The following SHLD1 variants were observed in gnomAD, a reference collection of about 807,000 sequenced individuals.
SHLD1 encodes the protein shieldin complex subunit 1.
SHLD1 carries 3 observed loss-of-function variants against 5.5 expected under a neutral mutation model. That is an observed-to-expected ratio of 0.54 (90% confidence interval 0.25 to 1.40). SHLD1 has a LOEUF of 1.40. Among genes scored for constraint, SHLD1 ranks in the 40% most tolerant of loss-of-function variants. The pLI, the probability that SHLD1 is intolerant of heterozygous loss-of-function variation, is 0.15. For synonymous variants in SHLD1, 92 were observed against 94.3 expected (o/e 0.98, Z 0.14); for missense variants, 210 against 244.4 (o/e 0.86, Z 0.94).
In SHLD1 at chr20:5,809,341, G is replaced by C. The variant is rs1205394116; in HGVS notation, c.178+36298G>C. Among the ~76,000 whole-genome samples, 2 of 152,008 alleles carry C rather than the reference G, an allele frequency of 1.3e-5. 1 individual carries two copies. Among genetic ancestry groups the C allele is most frequent in the African/African-American group, 4.8e-5 (2 of 41,296 alleles). On this transcript the variant is annotated intron_variant, in intron 2 of 2. Transcript: ENST00000303142. ...ATGGCTCTCCTTAAATAGACTCTTA[G>C]AATTAGATGTATTTGCTCTGAGCTC...
chr20:5,803,555 T>C (rs2087328693), intron 2 of SHLD1, among the ~76,000 whole-genome samples: 1 of 152,028 alleles, frequency 6.6e-6, no homozygotes, highest in Non-Finnish European at 1.5e-5. Flanking sequence ...TCCAGAATTC[T>C]AGGCATTAGA....
Position 5,773,051 on chromosome 20 carries a change from G to T in SHLD1, c.178+8G>T. 2 of 1,614,158 alleles carry T rather than the reference G, an allele frequency of 1.2e-6. No homozygotes were observed. ...CTTCTGATGTGGATCCAGGTAATAAGCAGAGTTTAAAACAAACTAACTTAA... is the reference window on the plus strand; with the variant it reads ...CTTCTGATGTGGATCCAGGTAATAATCAGAGTTTAAAACAAACTAACTTAA... On this transcript the variant is annotated splice_region_variant and intron_variant, in intron 2 of 2. Transcript: ENST00000303142.
intron 2 of SHLD1, among the ~76,000 whole-genome samples, chr20:5,848,107 C>A (rs972153453): frequency 6.6e-6 from 1 of 152,110 alleles, no homozygotes; most frequent in African/African-American, 2.4e-5. Context: ...AAGTAGCATG[C>A]AAAACTTTGT....
rs536081379 is a variant in SHLD1 at position 5,838,696 on chromosome 20, C to T, written c.179-24328C>T. On this transcript the variant is annotated intron_variant, in intron 2 of 2. Transcript: ENST00000303142. ...GAATTGTTTGAGTCTGTGAGGTGGA[C>T]GTTGCAGCGAGGCAGAGGTTGCAGT... is the stretch of plus-strand genomic sequence containing the variant. Among the ~76,000 whole-genome samples, 13 of 152,234 alleles carry T rather than the reference C, an allele frequency of 8.5e-5. No individual in the cohort carries two copies. The South Asian group carries it at 2.3e-3, about 27-fold the overall frequency.
At chr20:5,767,514 C>A (rs1262266025) in intron 1 of SHLD1, among the ~76,000 whole-genome samples, 1 of 152,166 alleles carries the variant, frequency 6.6e-6, no homozygotes, top group African/African-American at 2.4e-5. Context: ...CTATTCTTGA[C>A]CCGTGGGTCC....
At chr20:5,771,618 CTTT>C (rs76582920) in intron 1 of SHLD1, among the ~76,000 whole-genome samples, 1 of 144,604 alleles carries the variant, frequency 6.9e-6, no homozygotes. Context: ...AACTCCATAA[CTTT>C]TTTTTTTTTT....
intron 2 of SHLD1, among the ~76,000 whole-genome samples, chr20:5,828,597 A>G (rs2087692917): frequency 6.6e-6 from 1 of 152,148 alleles, no homozygotes; most frequent in Non-Finnish European, 1.5e-5. Context: ...TCCTTCTGTC[A>G]CCATAAGGAA....
At chr20:5,766,516 G>A (rs1984836496) in intron 1 of SHLD1, among the ~76,000 whole-genome samples, 1 of 152,114 alleles carries the variant, frequency 6.6e-6, no homozygotes, top group Non-Finnish European at 1.5e-5. Context: ...GATGCTGGGA[G>A]GACTTTTGGC....
At chr20:5,793,759 G>C (rs1251183422) in intron 2 of SHLD1, among the ~76,000 whole-genome samples, 2 of 151,986 alleles carry the variant, frequency 1.3e-5, no homozygotes, top group African/African-American at 4.8e-5. Context: ...GCCCAGGCTG[G>C]AGTGCAGTGA....
intron 2 of SHLD1, among the ~76,000 whole-genome samples, chr20:5,861,503 C>T (rs2088162456): frequency 6.6e-6 from 1 of 152,204 alleles, no homozygotes; most frequent in Non-Finnish European, 1.5e-5. Context: ...TGGATGAATG[C>T]TTGTCCATGT....
intron 1 of SHLD1, among the ~76,000 whole-genome samples, chr20:5,751,311 T>A (rs1348881584): frequency 6.6e-6 from 1 of 152,154 alleles, no homozygotes; most frequent in Non-Finnish European, 1.5e-5. Context: ...CTTTTGTTCT[T>A]TTTTTAAACG....
intron 2 of SHLD1, among the ~76,000 whole-genome samples, chr20:5,853,265 G>A (rs1341392845): frequency 9.2e-5 from 14 of 152,050 alleles, no homozygotes; most frequent in Non-Finnish European, 2.9e-5. Flanking sequence ...GGCCAACATG[G>A]CGAAACCCCA....
chr20:5,835,661 A>T (rs540945336), intron 2 of SHLD1, among the ~76,000 whole-genome samples: 1 of 152,344 alleles, frequency 6.6e-6, no homozygotes, highest in Middle Eastern at 3.4e-3. Context: ...GGAGGAGCAC[A>T]GATGGCCTTT....
rs150855770 is a variant in SHLD1 at position 5,825,081 on chromosome 20, A to G, written c.179-37943A>G. Among the ~76,000 whole-genome samples the G allele has an allele frequency of 2.6e-5, 4 of 152,362 alleles. No homozygotes were observed. The East Asian group carries it at 7.7e-4, about 29-fold the overall frequency. ...TCAGCCTTTGTTGGTTTCTATGACT[A>G]TGAAGGTATGGAACATCATTCATTA... On this transcript the variant is annotated intron_variant, in intron 2 of 2. Transcript: ENST00000303142.
chr20:5,778,249 T>G (rs1268557108), intron 2 of SHLD1, among the ~76,000 whole-genome samples: 1 of 150,520 alleles, frequency 6.6e-6, no homozygotes, highest in Non-Finnish European at 1.5e-5. Context: ...CCCAAGTAGC[T>G]AGGACTACAG....
In SHLD1 at chr20:5,820,050, T is replaced by C. The variant is rs112303946; in HGVS notation, c.179-42974T>C. On this transcript the variant is annotated intron_variant, in intron 2 of 2. Transcript: ENST00000303142. The stretch of plus-strand genomic sequence containing the variant: ...GCAACCTCCATCTCCTGGGTTCAAG[T>C]GATTATCCCGCCTCAGCCTCCCCAG... Among the ~76,000 whole-genome samples, 1,162 of 152,280 alleles carry C rather than the reference T, an allele frequency of 7.6e-3. 9 individuals carry two copies. The highest frequency in any genetic ancestry group is 0.027 in the African/African-American group (1,127 of 41,568).
intron 2 of SHLD1, among the ~76,000 whole-genome samples, chr20:5,809,335 C>A (rs776456774): frequency 2.6e-5 from 4 of 152,038 alleles, no homozygotes; most frequent in Non-Finnish European, 4.4e-5. Flanking sequence ...CTTAAATAGA[C>A]TCTTAGAATT....
chr20:5,823,727 C>T (rs1411261412), intron 2 of SHLD1, among the ~76,000 whole-genome samples: 1 of 152,148 alleles, frequency 6.6e-6, no homozygotes, highest in African/African-American at 2.4e-5. Flanking sequence ...GGATTACAGG[C>T]ATGAGTCACC....
rs1239295663 is a variant in SHLD1 at position 5,855,979 on chromosome 20, T to TAGCA, written c.179-7045_179-7044insAGCA. On this transcript the variant is annotated intron_variant, in intron 2 of 2. Coordinates refer to ENST00000303142, the MANE Select transcript of SHLD1 (RefSeq NM_152504.4). The surrounding 1 kb of genome is among the most constrained non-coding windows in gnomAD (Gnocchi z 4.4). The stretch of plus-strand genomic sequence containing the variant: ...TTCCTCTGCTATAGTCACTAGGCAA[T>TAGCA]GTTGAGATAGTAGCTGCTCTGTTGG... Among the ~76,000 whole-genome samples, 2 of 152,194 alleles carry TAGCA rather than the reference T, an allele frequency of 1.3e-5. No homozygotes were observed. Among genetic ancestry groups the TAGCA allele is most frequent in the Non-Finnish European group, 2.9e-5 (2 of 68,036 alleles).
Sources: gnomAD v4.1 joint callset for allele counts (sites outside exome capture counted in the v4.1 genomes callset) on GRCh38, gnomAD v4.1.1 for gene constraint, Gnocchi (gnomAD v3.1) non-coding constraint, MANE v1.5 for transcripts, NCBI Gene and HGNC (gene_info 2026-07-23, HGNC 2026-07-21) for gene names.